Variants in CREBBP observed in about 807,000 individuals in gnomAD.
The protein encoded by CREBBP is CREB-binding protein.
Under a neutral mutation model 265.0 loss-of-function variants are expected in CREBBP, and 19 were observed. The ratio of observed to expected loss-of-function variants is 0.07; its 90% CI spans 0.05 to 0.11. The LOEUF (loss-of-function observed/expected upper bound fraction) is 0.11. Among genes scored for constraint, CREBBP ranks in the 10% least tolerant of loss-of-function variants. The pLI is 1.00. For missense variants in CREBBP, 2,525 were observed against 3,219.0 expected, an observed-to-expected ratio of 0.78 and a Z score of 5.22; for synonymous variants, 1,457 against 1,223.7, an observed-to-expected ratio of 1.19 and a Z score of -3.98.
chr16:3,780,275 A>G (rs2053242875), intron 8 of CREBBP, among the ~76,000 whole-genome samples: 1 of 151,810 alleles, frequency 6.6e-6, no homozygotes, highest in South Asian at 2.1e-4. Context: ...TTAACTGTTA[A>G]CTTTCCGTTA....
intron 19 of CREBBP, among the ~76,000 whole-genome samples, chr16:3,755,897 G>T (rs975543731): frequency 3.3e-5 from 5 of 152,068 alleles, no homozygotes; most frequent in African/African-American, 1.2e-4. Context: ...ACAGTATTAG[G>T]AATAAGCAGG....
At chr16:3,829,860 A>G (rs1297473872) in intron 2 of CREBBP, among the ~76,000 whole-genome samples, 1 of 152,224 alleles carries the variant, frequency 6.6e-6, no homozygotes, top group Non-Finnish European at 1.5e-5. Context: ...TGTAAATGAA[A>G]CAGATACAGA....
chr16:3,728,227 T>A lies in CREBBP; in HGVS notation c.6820A>T (p.Met2274Leu), dbSNP rs1306100144. The part of the protein sequence containing the change: ...MAAQMGQLGQ[M>L]GQPGLGADST... ...TCTGCCCCCAGCCCCGGCTGCCCCA[T>A]CTGGCCAAGCTGTCCCATCTGAGCC... Residue 2274 changes from methionine to leucine, a missense_variant, in exon 31 of 31, where the codon ATG (methionine) becomes TTG (leucine). By Grantham distance (15) the Met-to-Leu change is conservative. Around this residue, in one of 19 missense-constraint regions of CREBBP, gnomAD observed 473 missense variants for 459.3 expected, o/e 1.03. Transcript: ENST00000262367. The surrounding 1 kb of genome is among the most constrained non-coding windows in gnomAD (Gnocchi z 8.7). The A allele has an allele frequency of 6.2e-7, 1 of 1,613,440 alleles. No homozygotes were observed. Among genetic ancestry groups the A allele is most frequent in the Non-Finnish European group, 8.5e-7 (1 of 1,179,952 alleles).
intron 16 of CREBBP, chr16:3,761,682 T>C: frequency 2.1e-6 from 1 of 475,178 alleles, no homozygotes; most frequent in Non-Finnish European, 4.2e-6. Context: ...GACGCAGCAC[T>C]CCCCACGCAC....
At chr16:3,816,787 T>C (rs1425943030) in intron 2 of CREBBP, among the ~76,000 whole-genome samples, 1 of 152,206 alleles carries the variant, frequency 6.6e-6, no homozygotes, top group Admixed American at 6.5e-5. Flanking sequence ...TCCTGGAACA[T>C]TCTCTGCATC....
intron 11 of CREBBP, among the ~76,000 whole-genome samples, chr16:3,776,558 C>A (rs2141226568): frequency 6.6e-6 from 1 of 152,248 alleles, no homozygotes; most frequent in East Asian, 1.9e-4. Context: ...CAGCCCGTGC[C>A]GTCCCCATTT....
chr16:3,865,924 C>T (rs916902394), intron 1 of CREBBP, among the ~76,000 whole-genome samples: 2 of 152,196 alleles, frequency 1.3e-5, no homozygotes, highest in East Asian at 3.8e-4. Context: ...CGTGAGCCCA[C>T]CGCGCCCGGC....
chr16:3,753,785 CTAAT>C (rs1183186783), intron 19 of CREBBP, among the ~76,000 whole-genome samples: 3 of 152,118 alleles, frequency 2.0e-5, no homozygotes, highest in African/African-American at 7.2e-5. Flanking sequence ...AGTAAAACTC[CTAAT>C]TGAGTGCCCC....
intron 4 of CREBBP, among the ~76,000 whole-genome samples, 154 bp downstream of exon 4, chr16:3,793,232 G>A (rs1193809821): frequency 1.3e-5 from 2 of 152,176 alleles, no homozygotes; most frequent in African/African-American, 2.4e-5. Flanking sequence ...GACTGTCGTC[G>A]CGTGGGGAAC....
Position 3,767,865 on chromosome 16 carries a change from T to C in CREBBP, c.3105A>G (p.Glu1035=), listed in dbSNP as rs1309845760. 1 of 1,614,066 alleles carries C rather than the reference T, an allele frequency of 6.2e-7. No individual in the cohort carries two copies. The highest frequency in any genetic ancestry group is 2.2e-5 in the East Asian group (1 of 44,890). The change falls in exon 16 of 31, where the codon GAA becomes GAG. Residue 1035 remains glutamate, a synonymous_variant. Coordinates refer to ENST00000262367, the MANE Select transcript of CREBBP (RefSeq NM_004380.3). The part of the protein sequence containing the change: ...DLQGASQVKE[E]TDIAEQKSEP... ...CTGATTTCTGCTCTGCTATGTCTGT[T>C]TCTTCTTTAACTTGGGAAGCTCCTT...
At chr16:3,849,380 T>C (rs1298068944) in intron 2 of CREBBP, among the ~76,000 whole-genome samples, 1 of 766 alleles carries the variant, frequency 1.3e-3, no homozygotes, top group Non-Finnish European at 0.019. Context: ...CTCTTGGCCG[T>C]GTGTGTGTGT....
At chr16:3,809,973 G>A (rs560004142) in intron 3 of CREBBP, among the ~76,000 whole-genome samples, 5 of 151,936 alleles carry the variant, frequency 3.3e-5, no homozygotes, top group African/African-American at 9.7e-5. Context: ...ACAAAAGAAC[G>A]CACTACCCCT....
chr16:3,847,576 C>A (rs1374490742), intron 2 of CREBBP, among the ~76,000 whole-genome samples: 1 of 152,182 alleles, frequency 6.6e-6, no homozygotes, highest in African/African-American at 2.4e-5. Context: ...CTGTCCCCAG[C>A]ACGCTAACGA....
chr16:3,862,900 A>G (rs1440516176), intron 1 of CREBBP, among the ~76,000 whole-genome samples: 1 of 152,198 alleles, frequency 6.6e-6, no homozygotes, highest in Non-Finnish European at 1.5e-5. Context: ...GCTAAATTAC[A>G]GGACAAATAT....
chr16:3,809,444 G>A, intron 3 of CREBBP, among the ~76,000 whole-genome samples: 1 of 152,108 alleles, frequency 6.6e-6, no homozygotes, highest in East Asian at 1.9e-4. Context: ...CCAAAGTGCT[G>A]GCATTACAGG....
In CREBBP at chr16:3,731,938, C is replaced by T. The variant is rs2151319835; in HGVS notation, c.4729-1G>A. ...CATTCTTGCTGTCGCCCTGACTGCC[C>T]TGCAACAACACGCAAGGCTGTGAGA... On this transcript the variant is annotated splice_acceptor_variant, in intron 28 of 30. Coordinates refer to ENST00000262367, the MANE Select transcript of CREBBP (RefSeq NM_004380.3). LOFTEE classifies it high-confidence loss of function. This position sits in a 1 kb window ranked among gnomAD's most constrained non-coding sequence, Gnocchi z 7.7. 1 of 1,614,188 alleles carries T rather than the reference C, an allele frequency of 6.2e-7. No individual in the cohort carries two copies. Among genetic ancestry groups the T allele is most frequent in the Non-Finnish European group, 8.5e-7 (1 of 1,180,040 alleles).
rs748630441 is a variant in CREBBP, at chr16:3,736,084, T to C, written c.4680A>G (p.Glu1560=). 1.2e-6 allele frequency: 2 copies of C among 1,614,212 alleles called. No individual in the cohort carries two copies. Among genetic ancestry groups the C allele is most frequent in the Admixed American group, 1.7e-5 (1 of 60,030 alleles). The part of the protein sequence containing the change: ...EESIKELEQE[E]EERKKEESTA... ...TGCTCTCTTCCTTTTTCCTCTCCTC[T>C]TCTTCTTGTTCTAGTTCCTTAATGC... The change falls in exon 28 of 31, where the codon GAA becomes GAG. Residue 1560 remains glutamate, a synonymous_variant. Transcript: ENST00000262367.
At chr16:3,752,425 A>G (rs2052495047) in intron 19 of CREBBP, among the ~76,000 whole-genome samples, 1 of 151,582 alleles carries the variant, frequency 6.6e-6, no homozygotes, top group Non-Finnish European at 1.5e-5. Flanking sequence ...GAAAATGCTG[A>G]GCACCCAGAA....
chr16:3,848,921 C>T (rs192867821), intron 2 of CREBBP, among the ~76,000 whole-genome samples: 1 of 152,108 alleles, frequency 6.6e-6, no homozygotes, highest in East Asian at 1.9e-4. Flanking sequence ...TTGAGCATTA[C>T]TTCATCTTCA....
Sources: allele counts gnomAD v4.1 joint callset (sites outside exome capture counted in the v4.1 genomes callset), GRCh38; gene constraint gnomAD v4.1.1; regional missense constraint gnomAD v4.1.1; non-coding constraint Gnocchi (gnomAD v3.1); transcripts MANE v1.5; gene names NCBI Gene and HGNC (gene_info 2026-07-23, HGNC 2026-07-21).